NF1: variants seen among roughly 807,000 people sequenced by gnomAD.
NF1 encodes neurofibromin 1, also known as neurofibromin.
NF1 carries 122 observed loss-of-function variants against 325.7 expected under a neutral mutation model. The ratio of observed to expected loss-of-function variants is 0.37; its 90% CI spans 0.32 to 0.44. The LOEUF (loss-of-function observed/expected upper bound fraction) is 0.44, where lower values mean the gene tolerates loss of function less well. Among genes scored for constraint, NF1 ranks in the 20% least tolerant of loss-of-function variants. The pLI is 1.00. For synonymous variants in NF1, 1,091 were observed against 1,186.0 expected (o/e 0.92, Z 1.65); for missense variants, 2,140 against 3,415.4 (o/e 0.63, Z 9.31).
At chr17:31,125,680 G>A (rs1914816587) in intron 1 of NF1, among the ~76,000 whole-genome samples, 1 of 151,910 alleles carries the variant, frequency 6.6e-6, no homozygotes, top group South Asian at 2.1e-4. Context: ...GGGATTACAG[G>A]AGCGAGCACC....
Position 31,095,401 on chromosome 17 carries a change from G to A in NF1, c.60+32G>A, listed in dbSNP as rs983796758. 5.2e-6 allele frequency: 8 copies of A among 1,534,690 alleles called. No individual in the cohort carries two copies. The African/African-American group carries it at 1.1e-4, about 21-fold the overall frequency. On this transcript the variant is annotated intron_variant, in intron 1 of 57. Transcript: ENST00000358273. ...GGCCCGTGGCGGGCGGGAGGTGGGA[G>A]CGGAGTGGGGGTGGGGACAGAGTAG...
chr17:31,194,691 T>C (rs965413632), intron 8 of NF1, among the ~76,000 whole-genome samples: 1 of 152,112 alleles, frequency 6.6e-6, no homozygotes, highest in African/African-American at 2.4e-5. Context: ...TAAAGGGCCC[T>C]GAACTCTAGT....
chr17:31,340,373 C>A, intron 46 of NF1, 132 bp from the exon 47 acceptor site: 2 of 1,178,384 alleles, frequency 1.7e-6, no homozygotes, highest in Non-Finnish European at 2.5e-6. Context: ...TTACTCATAT[C>A]TTTATCTTCC....
intron 49 of NF1, 89 bp from the exon 50 acceptor site, chr17:31,350,094 C>A: frequency 7.3e-7 from 1 of 1,363,448 alleles, no homozygotes; most frequent in South Asian, 1.2e-5. Flanking sequence ...AGGTACTATG[C>A]TCTTTAGGAG....
intron 36 of NF1, among the ~76,000 whole-genome samples, chr17:31,301,140 G>A (rs2068565195): frequency 6.6e-6 from 1 of 151,824 alleles, no homozygotes; most frequent in African/African-American, 2.4e-5. Context: ...TGTGTAATGC[G>A]CACTTGCATG....
At chr17:31,159,466 G>A (rs1364715681) in intron 3 of NF1, among the ~76,000 whole-genome samples, 1 of 152,090 alleles carries the variant, frequency 6.6e-6, no homozygotes, top group East Asian at 1.9e-4. Context: ...CCTCCTATAT[G>A]AATATGATTT....
chr17:31,125,640 G>A (rs556784296), intron 1 of NF1, among the ~76,000 whole-genome samples: 3 of 151,956 alleles, frequency 2.0e-5, no homozygotes, highest in South Asian at 2.1e-4. Context: ...GGGTTCAAGC[G>A]ATTCTCCTGC....
At position 31,233,654 on chromosome 17, in the gene NF1, T is replaced by C. The variant is rs541658601; in HGVS notation, c.3708+441T>C. Among the ~76,000 whole-genome samples, 4 of 152,340 alleles carry C rather than the reference T, an allele frequency of 2.6e-5. No homozygotes were observed. The South Asian group carries it at 8.3e-4, about 32-fold the overall frequency. ...CATTTGATATTATGATATTGTTTATTTTAAAAACTGAAAGCGTCATATGGC... is the reference window on the plus strand; with the variant it reads ...CATTTGATATTATGATATTGTTTATCTTAAAAACTGAAAGCGTCATATGGC... On this transcript the variant is annotated intron_variant, in intron 27 of 57. Transcript: ENST00000358273.
In NF1 at chr17:31,156,068, A is replaced by G. The variant is rs2143626634; in HGVS notation, c.146A>G (p.Tyr49Cys). The change falls in exon 2 of 58, where the codon TAC (tyrosine) becomes TGC (cysteine). Residue 49 changes from tyrosine (Y) to cysteine (C), a missense_variant. This residue lies in a region of NF1 where 246 missense variants were observed against 347.8 expected (regional missense o/e 0.71). Coordinates refer to ENST00000358273, the MANE Select transcript of NF1 (RefSeq NM_001042492.3). Reference protein sequence around the residue: ...NKECLINISKYKFSLVISGLT... With the variant: ...NKECLINISKCKFSLVISGLT... ...GAATGTCTAATCAATATTTCCAAAT[A>G]CAAGTTTTCTTTGGTTATAAGCGGC... 1.9e-6 allele frequency: 3 copies of G among 1,613,776 alleles called. No individual in the cohort carries two copies. The highest frequency in any genetic ancestry group is 2.5e-6 in the Non-Finnish European group (3 of 1,179,824).
intron 1 of NF1, among the ~76,000 whole-genome samples, chr17:31,155,240 C>T (rs976266997): frequency 6.6e-6 from 1 of 152,124 alleles, no homozygotes; most frequent in African/African-American, 2.4e-5. Flanking sequence ...GTCCATGATG[C>T]TTTAAATACA....
chr17:31,262,714 T>C (rs17880865), intron 35 of NF1, among the ~76,000 whole-genome samples: 5,817 of 152,262 alleles, frequency 0.038, 165 homozygotes, highest in Non-Finnish European at 0.06. Flanking sequence ...TATGAAAGAA[T>C]GTATAAACAT....
intron 32 of NF1, 92 bp from the exon 33 acceptor site, chr17:31,258,940 A>G (rs1462918666): frequency 9.7e-6 from 8 of 828,578 alleles, no homozygotes; most frequent in Admixed American, 2.4e-5. Context: ...AATTATATCA[A>G]TGAGAAAATT....
intron 1 of NF1, among the ~76,000 whole-genome samples, chr17:31,099,922 T>C (rs1233020321): frequency 2.0e-5 from 3 of 151,718 alleles, no homozygotes; most frequent in Non-Finnish European, 4.4e-5. Flanking sequence ...ACCTTCTGTG[T>C]ATCTCCCCTA....
rs2067518181 is a variant in NF1, at chr17:31,252,786, A to T, written c.4111-152A>T. The T allele has an allele frequency of 6.0e-6, 4 of 665,296 alleles. No homozygotes were observed. In the South Asian group the frequency reaches 7.3e-5, roughly 12 times the overall value. The allele number at this position is 665,296 out of a possible 1,614,324, so 41.2% of individuals were successfully genotyped here. A position where few individuals can be genotyped will look rare whatever the true frequency, so the allele number is the denominator to read the frequency against. On this transcript the variant is annotated intron_variant, in intron 30 of 57. Coordinates refer to ENST00000358273, the MANE Select transcript of NF1 (RefSeq NM_001042492.3). ...ATAAAAATTAAAACCCAGAATTAAA[A>T]TTCATTCCTCAAAATTCAGTTGATT...
At chr17:31,363,332 C>G (rs2070438841) in intron 57 of NF1, among the ~76,000 whole-genome samples, 1 of 151,936 alleles carries the variant, frequency 6.6e-6, no homozygotes, top group Admixed American at 6.6e-5. Flanking sequence ...TTGTCATTTG[C>G]TCTTACAGAA....
chr17:31,372,978 T>G (rs1438958348), intron 57 of NF1, among the ~76,000 whole-genome samples: 1 of 152,216 alleles, frequency 6.6e-6, no homozygotes, highest in African/African-American at 2.4e-5. Context: ...ATCACACCAC[T>G]GCACTGCAGC....
intron 36 of NF1, among the ~76,000 whole-genome samples, chr17:31,265,837 G>A (rs945289439): frequency 1.3e-5 from 2 of 152,116 alleles, no homozygotes; most frequent in African/African-American, 2.4e-5. Context: ...CTGGAAAACG[G>A]TGCTTGTTCA....
intron 1 of NF1, among the ~76,000 whole-genome samples, chr17:31,132,517 G>A (rs1915465251): frequency 6.6e-6 from 1 of 152,018 alleles, no homozygotes; most frequent in African/African-American, 2.4e-5. Context: ...TCCAGCCTGG[G>A]CCACAGAGCA....
intron 36 of NF1, among the ~76,000 whole-genome samples, chr17:31,291,845 G>A (rs1192380004): frequency 1.3e-5 from 2 of 152,176 alleles, no homozygotes; most frequent in Non-Finnish European, 2.9e-5. Flanking sequence ...TTCTAGCAGG[G>A]AAGAGACTAA....
Sources: allele counts gnomAD v4.1 joint callset (sites outside exome capture counted in the v4.1 genomes callset), GRCh38; gene constraint gnomAD v4.1.1; regional missense constraint gnomAD v4.1.1; transcripts MANE v1.5; gene names NCBI Gene and HGNC (gene_info 2026-07-23, HGNC 2026-07-21).